BRAF: variants seen among roughly 807,000 people sequenced by gnomAD.
BRAF encodes B-Raf proto-oncogene, serine/threonine kinase.
A neutral mutation model predicts 104.6 loss-of-function variants in BRAF; 16 were observed. That is an observed-to-expected ratio of 0.15 (90% confidence interval 0.10 to 0.23). The LOEUF is 0.23. Among genes scored for constraint, BRAF ranks in the 10% least tolerant of loss-of-function variants. The pLI, the probability that BRAF is intolerant of heterozygous loss-of-function variation, is 1.00. For synonymous variants in BRAF, 310 were observed against 341.6 expected, an observed-to-expected ratio of 0.91 and a Z score of 1.02; for missense variants, 541 against 937.3, an observed-to-expected ratio of 0.58 and a Z score of 5.52.
At position 140,721,759 on chromosome 7, in the gene BRAF, T is replaced by C; in HGVS notation, c.*4735A>G. ...TTCAATGGTGAGGAATGAAACAAGATACAAGAACCACAGCATGGAATATGT... is the reference window on the plus strand; with the variant it reads ...TTCAATGGTGAGGAATGAAACAAGACACAAGAACCACAGCATGGAATATGT... On this transcript the variant is annotated 3_prime_UTR_variant, in exon 20 of 20. Coordinates refer to ENST00000644969, the MANE Select transcript of BRAF (RefSeq NM_001374258.1). 1.3e-6 allele frequency: 2 copies of C among 1,493,690 alleles called. No homozygotes were observed. The highest frequency in any genetic ancestry group is 8.9e-7 in the Non-Finnish European group (1 of 1,126,700). 92.5% of individuals were successfully genotyped at this position (1,493,690 alleles called of 1,614,324 possible). A position where few individuals can be genotyped will look rare whatever the true frequency, so the allele number is the denominator to read the frequency against.
chr7:140,810,250 G>A (rs1359900975), intron 3 of BRAF, among the ~76,000 whole-genome samples: 1 of 151,724 alleles, frequency 6.6e-6, no homozygotes, highest in African/African-American at 2.4e-5. Context: ...ATAACAGGAC[G>A]CAGAGGGTAG....
At chr7:140,917,198 T>C (rs762310053) in intron 1 of BRAF, among the ~76,000 whole-genome samples, 5 of 152,154 alleles carry the variant, frequency 3.3e-5, no homozygotes, top group East Asian at 1.9e-4. Flanking sequence ...GTAGCTGGGA[T>C]TGCAGGTGCC....
At chr7:140,784,666 A>G (rs1274305694) in intron 10 of BRAF, among the ~76,000 whole-genome samples, 1 of 151,280 alleles carries the variant, frequency 6.6e-6, no homozygotes, top group Non-Finnish European at 1.5e-5. Context: ...TTTTTTTGAG[A>G]TGGAGTCTTG....
At chr7:140,909,154 A>G (rs896504414) in intron 1 of BRAF, among the ~76,000 whole-genome samples, 2 of 152,190 alleles carry the variant, frequency 1.3e-5, no homozygotes, top group Non-Finnish European at 2.9e-5. Context: ...GGCTGGGCAC[A>G]GTGGTTCATG....
Position 140,796,348 on chromosome 7 carries a change from TAA to T in BRAF, c.981-1883_981-1882del, listed in dbSNP as rs35137743. ...TGGGTGACAAAGTGAGACTCCATCT[TAA>T]AAAAAAAAAAAAAAGGCTTAAAATT... On this transcript the variant is annotated intron_variant, in intron 7 of 19. Transcript: ENST00000644969. 6.1e-4 allele frequency among the ~76,000 whole-genome samples: 78 copies of T among 127,094 alleles called. 1 individual carries two copies. The highest frequency in any genetic ancestry group is 1.2e-3 in the African/African-American group (42 of 35,854). 83.4% of individuals were successfully genotyped at this position (127,094 alleles called of 152,430 possible).
intron 1 of BRAF, among the ~76,000 whole-genome samples, chr7:140,913,748 C>T (rs1275283056): frequency 6.6e-6 from 1 of 152,096 alleles, no homozygotes; most frequent in Admixed American, 6.6e-5. Context: ...TTTCAAAGTG[C>T]TGGGATTACA....
Position 140,869,354 on chromosome 7 carries a change from C to A in BRAF, c.139-19142G>T, listed in dbSNP as rs142725835. 2.0e-5 allele frequency among the ~76,000 whole-genome samples: 3 copies of A among 152,266 alleles called. No individual in the cohort carries two copies. The East Asian group carries it at 5.8e-4, about 29-fold the overall frequency. On this transcript the variant is annotated intron_variant, in intron 1 of 19. Coordinates refer to ENST00000644969, the MANE Select transcript of BRAF (RefSeq NM_001374258.1). ...ATCTTAAAAATCACTGTTTTCTGACCAGGCACAGTGACTCATGTCTGCAAT... is the reference window on the plus strand; with the variant it reads ...ATCTTAAAAATCACTGTTTTCTGACAAGGCACAGTGACTCATGTCTGCAAT...
intron 1 of BRAF, among the ~76,000 whole-genome samples, chr7:140,874,984 C>A (rs531847085): frequency 6.6e-6 from 1 of 152,302 alleles, no homozygotes; most frequent in South Asian, 2.1e-4. Flanking sequence ...CCCCTTTACA[C>A]CTTTCACCAT....
At chr7:140,869,759 T>C (rs1811369129) in intron 1 of BRAF, among the ~76,000 whole-genome samples, 1 of 152,252 alleles carries the variant, frequency 6.6e-6, no homozygotes, top group Non-Finnish European at 1.5e-5. Flanking sequence ...AACTCAGTTA[T>C]CTGCATTGTT....
intron 10 of BRAF, chr7:140,785,622 C>T: frequency 5.0e-6 from 2 of 397,982 alleles, no homozygotes; most frequent in Non-Finnish European, 4.4e-6. Context: ...GGGTGAGGCA[C>T]AAACAGCATC....
chr7:140,766,734 A>G (rs1799366870), intron 14 of BRAF, among the ~76,000 whole-genome samples: 1 of 152,006 alleles, frequency 6.6e-6, no homozygotes, highest in South Asian at 2.1e-4. Context: ...TATTTTTTGT[A>G]GAGACGGGTT....
At chr7:140,853,506 G>A (rs147047806) in intron 1 of BRAF, among the ~76,000 whole-genome samples, 6 of 152,190 alleles carry the variant, frequency 3.9e-5, no homozygotes, top group East Asian at 1.9e-4. Flanking sequence ...TTGTTCTCCC[G>A]TCACTCATCC....
intron 14 of BRAF, among the ~76,000 whole-genome samples, chr7:140,772,272 T>TACAACTACAACAACA (rs1799922619): frequency 6.7e-6 from 1 of 149,208 alleles, no homozygotes; most frequent in Non-Finnish European, 1.5e-5. Context: ...ATTGTTTAAC[T>TACAACTACAACAACA]ACAACAACAA....
intron 3 of BRAF, among the ~76,000 whole-genome samples, chr7:140,825,998 T>C (rs1424752046): frequency 6.6e-6 from 1 of 152,202 alleles, no homozygotes; most frequent in Admixed American, 6.5e-5. Flanking sequence ...TTCTTACCTT[T>C]TGGAACTCTT....
chr7:140,774,282 A>G (rs1800121548), intron 14 of BRAF, among the ~76,000 whole-genome samples: 1 of 152,236 alleles, frequency 6.6e-6, no homozygotes, highest in Non-Finnish European at 1.5e-5. Context: ...ATCATGTTAA[A>G]TGGTAAGATC....
At chr7:140,895,168 C>T (rs1041120164) in intron 1 of BRAF, among the ~76,000 whole-genome samples, 4 of 152,062 alleles carry the variant, frequency 2.6e-5, no homozygotes, top group African/African-American at 9.7e-5. Context: ...TTACTCAAAA[C>T]TAGGAAGTCT....
At chr7:140,774,148 A>T (rs1800111197) in intron 14 of BRAF, among the ~76,000 whole-genome samples, 2 of 152,228 alleles carry the variant, frequency 1.3e-5, no homozygotes, top group African/African-American at 4.8e-5. Context: ...TTAATTTTAA[A>T]CTGGTACTAA....
chr7:140,897,500 T>C (rs551300926), intron 1 of BRAF, among the ~76,000 whole-genome samples: 2,122 of 143,000 alleles, frequency 0.015, 40 homozygotes, highest in African/African-American at 0.053. Flanking sequence ...TTTCTTTTTT[T>C]TTTTTTTTTT....
At chr7:140,806,355 T>C (rs549067328) in intron 5 of BRAF, among the ~76,000 whole-genome samples, 2 of 152,328 alleles carry the variant, frequency 1.3e-5, no homozygotes, top group Admixed American at 1.3e-4. Flanking sequence ...CTCTCTACTC[T>C]ATGGCAGTGA....
Sources: allele counts gnomAD v4.1 joint callset (sites outside exome capture counted in the v4.1 genomes callset), GRCh38; gene constraint gnomAD v4.1.1; transcripts MANE v1.5; gene names NCBI Gene and HGNC (gene_info 2026-07-23, HGNC 2026-07-21).